ANKH: variants seen among roughly 807,000 people sequenced by gnomAD.
ANKH encodes the protein mineralization regulator ANKH.
In ANKH, 15 loss-of-function variants were observed where a neutral mutation model predicts 49.0. The observed-to-expected ratio is 0.31, with a 90% CI of 0.20 to 0.47. ANKH has a LOEUF of 0.47. Ranked by LOEUF, ANKH falls within the 20% of genes least tolerant of loss-of-function variation. The probability of loss-of-function intolerance (pLI) is 1.00; values close to 1 mark genes in which losing one functional copy is unlikely to be tolerated. For synonymous variants in ANKH, 273 were observed against 260.0 expected, an observed-to-expected ratio of 1.05 and a Z score of -0.48; for missense variants, 429 against 652.0, an observed-to-expected ratio of 0.66 and a Z score of 3.72.
At chr5:14,868,897 T>C (rs114903454) in intron 1 of ANKH, 72 of 152,302 alleles carry the variant, frequency 4.7e-4, no homozygotes, top group African/African-American at 1.7e-3. Context: ...TAACTTTGCA[T>C]TTCTTAATCA....
chr5:14,709,738 T>C lies in ANKH; in HGVS notation c.*1459A>G, dbSNP rs758220812. Reference sequence around the variant, plus strand: ...ATGCAAATGACGGACTTTATAAAACTGCTGCCAATAAGGTACAATGTTCAT... The same window carrying C: ...ATGCAAATGACGGACTTTATAAAACCGCTGCCAATAAGGTACAATGTTCAT... On this transcript the variant is annotated 3_prime_UTR_variant, in exon 12 of 12. Coordinates refer to ENST00000284268, the MANE Select transcript of ANKH (RefSeq NM_054027.6). The C allele has an allele frequency of 6.6e-6, 1 of 152,632 alleles. No homozygotes were observed. The highest frequency in any genetic ancestry group is 2.4e-5 in the African/African-American group (1 of 41,446). 9.5% of individuals were successfully genotyped at this position (152,632 alleles called of 1,614,324 possible). A position where few individuals can be genotyped will look rare whatever the true frequency, so the allele number is the denominator to read the frequency against.
At chr5:14,790,756 G>A (rs973014075) in intron 1 of ANKH, among the ~76,000 whole-genome samples, 1 of 152,108 alleles carries the variant, frequency 6.6e-6, no homozygotes, top group Admixed American at 6.5e-5. Flanking sequence ...CTATAGGCGA[G>A]CGTCACCATG....
At chr5:14,784,600 C>T (rs546648939) in intron 1 of ANKH, among the ~76,000 whole-genome samples, 61 of 152,116 alleles carry the variant, frequency 4.0e-4, no homozygotes, top group Non-Finnish European at 8.1e-4. Context: ...TCATAAAGAA[C>T]GTAAGTCATG....
chr5:14,719,818 A>G (rs1004831540), intron 8 of ANKH, among the ~76,000 whole-genome samples: 3 of 152,190 alleles, frequency 2.0e-5, no homozygotes, highest in East Asian at 1.9e-4. Flanking sequence ...GTGAGTTACA[A>G]TCCTTACAGA....
At chr5:14,786,800 C>T (rs893256782) in intron 1 of ANKH, among the ~76,000 whole-genome samples, 1 of 151,922 alleles carries the variant, frequency 6.6e-6, no homozygotes, top group African/African-American at 2.4e-5. Context: ...ACTCCTTGAC[C>T]CAGTAATCCC....
chr5:14,866,085 C>G (rs902371218), intron 1 of ANKH, among the ~76,000 whole-genome samples: 3 of 152,344 alleles, frequency 2.0e-5, no homozygotes, highest in African/African-American at 7.2e-5. Context: ...CAGCTCACTG[C>G]AACCTCCGCC....
chr5:14,729,028 C>A (rs1737910431), intron 8 of ANKH, among the ~76,000 whole-genome samples: 1 of 152,132 alleles, frequency 6.6e-6, no homozygotes, highest in Admixed American at 6.5e-5. Context: ...GCGTCCAAAA[C>A]TGGCCCTGAA....
At chr5:14,712,645 C>T (rs1013232656) in intron 11 of ANKH, among the ~76,000 whole-genome samples, 11 of 152,250 alleles carry the variant, frequency 7.2e-5, no homozygotes, top group African/African-American at 1.2e-4. Context: ...TCCCCTTTGG[C>T]GCAAAACTCT....
At chr5:14,744,458 G>T (rs1010436241) in intron 7 of ANKH, among the ~76,000 whole-genome samples, 4 of 152,358 alleles carry the variant, frequency 2.6e-5, no homozygotes, top group Non-Finnish European at 5.9e-5. Context: ...CATGGGTAAG[G>T]GAAATAGAGG....
intron 1 of ANKH, among the ~76,000 whole-genome samples, chr5:14,814,362 AG>A (rs1460941609): frequency 6.6e-6 from 1 of 152,206 alleles, no homozygotes; most frequent in African/African-American, 2.4e-5. Flanking sequence ...GCACTTTGGG[AG>A]GCTGAGGCAG....
In ANKH at chr5:14,871,277, C is replaced by G. The variant is rs753025042; in HGVS notation, c.96+75G>C. The G allele has an allele frequency of 4.5e-6, 6 of 1,318,990 alleles. No homozygotes were observed. The South Asian group carries it at 7.2e-5, about 16-fold the overall frequency. The allele number at this position is 1,318,990 out of a possible 1,614,324, so 81.7% of individuals were successfully genotyped here. ...AAAGAGGGACTCGGAGCAGGTGACT[C>G]CCCTCCGCCCCCGTGTCCGGGCGTG... is the stretch of plus-strand genomic sequence containing the variant. On this transcript the variant is annotated intron_variant, in intron 1 of 11. Transcript: ENST00000284268.
In ANKH at chr5:14,710,525, C is replaced by T. The variant is rs1490926273; in HGVS notation, c.*672G>A. 1 of 154,808 alleles carries T rather than the reference C, an allele frequency of 6.5e-6. No homozygotes were observed. Among genetic ancestry groups the T allele is most frequent in the African/African-American group, 2.4e-5 (1 of 41,438 alleles). The allele number at this position is 154,808 out of a possible 1,614,324, so 9.6% of individuals were successfully genotyped here. On this transcript the variant is annotated 3_prime_UTR_variant, in exon 12 of 12. Transcript: ENST00000284268. ...TCATTCAACCATGTCAGTTTGCTGC[C>T]CCCGGGGCATTTCAAACCAAACCTT... is the stretch of plus-strand genomic sequence containing the variant.
At chr5:14,821,369 G>A (rs923158651) in intron 1 of ANKH, among the ~76,000 whole-genome samples, 2 of 152,134 alleles carry the variant, frequency 1.3e-5, no homozygotes, top group African/African-American at 2.4e-5. Flanking sequence ...GACATAGTAT[G>A]TTATCATCTC....
At chr5:14,793,007 A>AGAAT (rs1740225480) in intron 1 of ANKH, among the ~76,000 whole-genome samples, 1 of 79,726 alleles carries the variant, frequency 1.3e-5, no homozygotes, top group Admixed American at 1.8e-4. Context: ...TATATATATA[A>AGAAT]ATATATATAT....
At chr5:14,832,929 G>A (rs1485949816) in intron 1 of ANKH, among the ~76,000 whole-genome samples, 2 of 152,160 alleles carry the variant, frequency 1.3e-5, no homozygotes, top group East Asian at 1.9e-4. Context: ...ATTACTAGCC[G>A]ACCTTCCCGT....
chr5:14,756,592 G>A (rs1032166525), intron 3 of ANKH, among the ~76,000 whole-genome samples: 5 of 152,232 alleles, frequency 3.3e-5, no homozygotes, highest in Non-Finnish European at 7.3e-5. Flanking sequence ...CACTTCATCT[G>A]AGCTACGCAC....
At chr5:14,712,462 G>A (rs1350796741) in intron 11 of ANKH, among the ~76,000 whole-genome samples, 1 of 152,254 alleles carries the variant, frequency 6.6e-6, no homozygotes. Context: ...CAGAGAGGCT[G>A]CCCGAGCTCC....
chr5:14,728,135 G>A (rs879793971), intron 8 of ANKH, among the ~76,000 whole-genome samples: 3 of 152,260 alleles, frequency 2.0e-5, no homozygotes, highest in African/African-American at 7.2e-5. Context: ...CGGAGGGAAG[G>A]CAGAGGGAAG....
rs765204871 is a variant in ANKH at position 14,768,962 on chromosome 5, T to C, written c.313+13A>G. 259 of 1,612,264 alleles carry C rather than the reference T, an allele frequency of 1.6e-4. No homozygotes were observed. The highest frequency in any genetic ancestry group is 2.7e-4 in the Admixed American group (16 of 60,006). Reference sequence around the variant, plus strand: ...CCAAAGCTAGATTCGTCAGTGGCGGTCGGCGGCCTCACCTATCAGTGTGTG... The same window carrying C: ...CCAAAGCTAGATTCGTCAGTGGCGGCCGGCGGCCTCACCTATCAGTGTGTG... On this transcript the variant is annotated intron_variant, in intron 2 of 11. Transcript: ENST00000284268.
Sources: allele counts gnomAD v4.1 joint callset (sites outside exome capture counted in the v4.1 genomes callset), GRCh38; gene constraint gnomAD v4.1.1; transcripts MANE v1.5; gene names NCBI Gene and HGNC (gene_info 2026-07-23, HGNC 2026-07-21).